The following RAP1GDS1 variants were observed in gnomAD, a reference collection of about 807,000 sequenced individuals.
RAP1GDS1 encodes the protein RAP1, GTP-GDP dissociation stimulator 1.
A neutral mutation model predicts 71.1 loss-of-function variants in RAP1GDS1; 35 were observed. That is an observed-to-expected ratio of 0.49 (90% CI 0.38 to 0.65). The LOEUF (loss-of-function observed/expected upper bound fraction) is 0.65. Among genes scored for constraint, RAP1GDS1 ranks in the 30% least tolerant of loss-of-function variants. The pLI is 0.00. For synonymous variants in RAP1GDS1, 229 were observed against 243.1 expected (o/e 0.94, Z 0.54); for missense variants, 663 against 706.1 (o/e 0.94, Z 0.69).
intron 14 of RAP1GDS1, among the ~76,000 whole-genome samples, chr4:98,438,983 CCAAA>C (rs897775003): frequency 3.3e-5 from 5 of 152,240 alleles, no homozygotes; most frequent in African/African-American, 1.2e-4. Flanking sequence ...CTTTCAACCA[CCAAA>C]CATATTTCAG....
chr4:98,373,191 A>G (rs181636524), intron 4 of RAP1GDS1, among the ~76,000 whole-genome samples: 1 of 152,310 alleles, frequency 6.6e-6, no homozygotes, highest in East Asian at 1.9e-4. Context: ...GCTTGAAACA[A>G]TTTTACTTAA....
At chr4:98,363,038 T>C (rs1339091996) in intron 4 of RAP1GDS1, among the ~76,000 whole-genome samples, 1 of 152,108 alleles carries the variant, frequency 6.6e-6, no homozygotes, top group Non-Finnish European at 1.5e-5. Flanking sequence ...ATTTATAGAT[T>C]GTGATGACTG....
chr4:98,360,741 C>T (rs1578582871), intron 4 of RAP1GDS1, among the ~76,000 whole-genome samples: 1 of 151,752 alleles, frequency 6.6e-6, no homozygotes, highest in African/African-American at 2.4e-5. Flanking sequence ...TTTTCCTTGG[C>T]GGTGAGGAAA....
chr4:98,397,061 G>A (rs2110138286), intron 6 of RAP1GDS1, among the ~76,000 whole-genome samples: 1 of 151,926 alleles, frequency 6.6e-6, no homozygotes, highest in Admixed American at 6.6e-5. Flanking sequence ...GATTAAAGAT[G>A]TTTTCATTTT....
intron 2 of RAP1GDS1, among the ~76,000 whole-genome samples, chr4:98,306,160 T>C (rs868337005): frequency 2.0e-5 from 3 of 152,198 alleles, no homozygotes; most frequent in Admixed American, 2.0e-4. Flanking sequence ...TCTAATCGTA[T>C]AAGCAGTAAC....
intron 12 of RAP1GDS1, among the ~76,000 whole-genome samples, chr4:98,433,620 A>T (rs1425847474): frequency 6.6e-6 from 1 of 152,076 alleles, no homozygotes; most frequent in Non-Finnish European, 1.5e-5. Context: ...TTGTTTGTCA[A>T]TCCTAAGGTA....
At chr4:98,413,121 G>A (rs761672453) in intron 7 of RAP1GDS1, among the ~76,000 whole-genome samples, 2 of 152,006 alleles carry the variant, frequency 1.3e-5, no homozygotes, top group African/African-American at 2.4e-5. Flanking sequence ...AGACCAGGGC[G>A]TATTTCAGTC....
rs149874519 is a variant in RAP1GDS1, at chr4:98,332,161, A to G, written c.113-10978A>G. Among the ~76,000 whole-genome samples, 509 of 152,344 alleles carry G rather than the reference A, an allele frequency of 3.3e-3. 4 individuals are homozygous for G. The highest frequency in any genetic ancestry group is 6.8e-3 in the Middle Eastern group (2 of 294). On this transcript the variant is annotated intron_variant, in intron 2 of 14. Transcript: ENST00000408927. ...ATAGCCTGGAAGTTGAACCTGATGA[A>G]AAAGGTACTTCAGGTTAATCAGACA...
chr4:98,432,914 CTT>C (rs1750636102), intron 12 of RAP1GDS1, among the ~76,000 whole-genome samples: 1 of 151,662 alleles, frequency 6.6e-6, no homozygotes, highest in Non-Finnish European at 1.5e-5. Context: ...TTTCATCTAA[CTT>C]TTGCCAGATG....
intron 7 of RAP1GDS1, among the ~76,000 whole-genome samples, chr4:98,414,679 G>A (rs4576019): frequency 2.0e-5 from 3 of 150,952 alleles, no homozygotes; most frequent in African/African-American, 7.4e-5. Flanking sequence ...TTTTGGCTTA[G>A]GATTGACTTG....
At chr4:98,269,479 T>C (rs1723152457) in intron 1 of RAP1GDS1, among the ~76,000 whole-genome samples, 1 of 152,084 alleles carries the variant, frequency 6.6e-6, no homozygotes, top group South Asian at 2.1e-4. Context: ...AAATGGGACT[T>C]CATCAAATTA....
intron 1 of RAP1GDS1, among the ~76,000 whole-genome samples, chr4:98,289,044 T>C (rs1195335277): frequency 6.6e-6 from 1 of 152,172 alleles, no homozygotes; most frequent in Non-Finnish European, 1.5e-5. Flanking sequence ...TTTAGCTTGC[T>C]AAGAAGTAAG....
intron 11 of RAP1GDS1, among the ~76,000 whole-genome samples, 171 bp from the exon 12 acceptor site, chr4:98,421,076 CACAGTGTT>C (rs1162419947): frequency 4.6e-5 from 7 of 152,256 alleles, no homozygotes; most frequent in African/African-American, 1.4e-4. Context: ...TATAAAATTT[CACAGTGTT>C]ACAGAAGAAG....
At chr4:98,281,968 C>T (rs139389371) in intron 1 of RAP1GDS1, among the ~76,000 whole-genome samples, 217 of 152,218 alleles carry the variant, frequency 1.4e-3, no homozygotes, top group African/African-American at 4.8e-3. Flanking sequence ...CCAAGTTGAT[C>T]GTGGTAGGTA....
intron 1 of RAP1GDS1, among the ~76,000 whole-genome samples, chr4:98,267,286 G>C (rs74993814): frequency 1.3e-5 from 2 of 152,068 alleles, no homozygotes; most frequent in Admixed American, 6.6e-5. Flanking sequence ...AGTTTGAGGA[G>C]GATTGGTATT....
At chr4:98,321,835 T>C (rs773222458) in intron 2 of RAP1GDS1, among the ~76,000 whole-genome samples, 113 of 122,894 alleles carry the variant, frequency 9.2e-4, no homozygotes, top group Non-Finnish European at 1.6e-3. Flanking sequence ...GTAAAGACCA[T>C]CGAGACTAGG....
intron 12 of RAP1GDS1, among the ~76,000 whole-genome samples, chr4:98,423,588 G>A (rs552835791): frequency 1.4e-4 from 21 of 151,498 alleles, no homozygotes; most frequent in African/African-American, 2.9e-4. Context: ...CTTGTTGCCC[G>A]GGCTGGAATG....
chr4:98,442,262 C>A lies in RAP1GDS1; in HGVS notation c.*145C>A, dbSNP rs891154487. On this transcript the variant is annotated 3_prime_UTR_variant, in exon 15 of 15. Transcript: ENST00000408927. ...AATTGAAGAACCGCTGTAGGTACCT[C>A]CCTAATAAGATTTCTAAACCTATAG... The A allele has an allele frequency of 1.3e-4, 142 of 1,122,584 alleles. No individual in the cohort carries two copies. The Middle Eastern group carries it at 2.8e-3, about 22-fold the overall frequency. 69.5% of individuals were successfully genotyped at this position (1,122,584 alleles called of 1,614,324 possible). A position where few individuals can be genotyped will look rare whatever the true frequency, so the allele number is the denominator to read the frequency against.
chr4:98,371,601 C>T (rs1382359359), intron 4 of RAP1GDS1, among the ~76,000 whole-genome samples: 4 of 151,808 alleles, frequency 2.6e-5, no homozygotes, highest in Non-Finnish European at 5.9e-5. Flanking sequence ...CTCAGCCTCC[C>T]GAGTAGCTGG....
Sources: allele counts gnomAD v4.1 joint callset (sites outside exome capture counted in the v4.1 genomes callset), GRCh38; gene constraint gnomAD v4.1.1; transcripts MANE v1.5; gene names NCBI Gene and HGNC (gene_info 2026-07-23, HGNC 2026-07-21).